ZNRF1: variants seen among roughly 807,000 people sequenced by gnomAD.
ZNRF1 encodes zinc and ring finger 1, also known as E3 ubiquitin-protein ligase ZNRF1.
A neutral mutation model predicts 18.4 loss-of-function variants in ZNRF1; 3 were observed. The observed-to-expected ratio is 0.16, with a 90% CI of 0.07 to 0.42. The LOEUF (loss-of-function observed/expected upper bound fraction) is 0.42, where lower values mean the gene tolerates loss of function less well. ZNRF1 is among the 10% of genes least tolerant of loss of function. The pLI, the probability that ZNRF1 is intolerant of heterozygous loss-of-function variation, is 0.99. For synonymous variants in ZNRF1, 157 were observed against 144.2 expected (o/e 1.09, Z -0.64); for missense variants, 310 against 329.8 (o/e 0.94, Z 0.47).
chr16:75,056,625 CT>C (rs111259659), intron 1 of ZNRF1, among the ~76,000 whole-genome samples: 111 of 144,532 alleles, frequency 7.7e-4, no homozygotes, highest in South Asian at 8.8e-4. Context: ...ATGGAAAAAC[CT>C]TTTTTTTTTT....
chr16:75,025,359 C>T (rs1441302462), intron 1 of ZNRF1, among the ~76,000 whole-genome samples: 3 of 152,152 alleles, frequency 2.0e-5, no homozygotes, highest in African/African-American at 4.8e-5. Flanking sequence ...TGAGCCACCA[C>T]GCCTGGCCTA....
rs553459159 is a variant in ZNRF1, at chr16:75,046,441, G to A, written c.424+46346G>A. Among the ~76,000 whole-genome samples, 203 of 150,708 alleles carry A rather than the reference G, an allele frequency of 1.3e-3. 1 individual carries two copies. The highest frequency in any genetic ancestry group is 4.8e-3 in the African/African-American group (196 of 40,964). Reference sequence around the variant, plus strand: ...TAAGTTTTGTATTTTTAGTGGAGACGGGGTTTCACCATGTTGCCCAGGTTG... The same window carrying A: ...TAAGTTTTGTATTTTTAGTGGAGACAGGGTTTCACCATGTTGCCCAGGTTG... On this transcript the variant is annotated intron_variant, in intron 1 of 4. Coordinates refer to ENST00000335325, the MANE Select transcript of ZNRF1 (RefSeq NM_032268.5).
chr16:75,012,685 C>T (rs146630393), intron 1 of ZNRF1, among the ~76,000 whole-genome samples: 1 of 152,252 alleles, frequency 6.6e-6, no homozygotes, highest in African/African-American at 2.4e-5. Flanking sequence ...AACTTTTCTG[C>T]CAACCTAGCG....
At chr16:75,056,383 T>C (rs1457532960) in intron 1 of ZNRF1, among the ~76,000 whole-genome samples, 1 of 152,192 alleles carries the variant, frequency 6.6e-6, no homozygotes, top group African/African-American at 2.4e-5. Context: ...TGCTCATAAG[T>C]TCTAGTGGTT....
intron 1 of ZNRF1, among the ~76,000 whole-genome samples, chr16:75,093,214 CT>C (rs2040272158): frequency 6.6e-6 from 1 of 152,052 alleles, no homozygotes; most frequent in African/African-American, 2.4e-5. Context: ...GTGAAACCCC[CT>C]CTCTACTAAA....
chr16:75,011,195 T>C (rs1038610131), intron 1 of ZNRF1, among the ~76,000 whole-genome samples: 6 of 152,216 alleles, frequency 3.9e-5, no homozygotes, highest in Middle Eastern at 3.2e-3. Flanking sequence ...AAGATTCTTT[T>C]ATCCTGCTGC....
intron 1 of ZNRF1, among the ~76,000 whole-genome samples, chr16:75,048,408 G>T (rs1000143628): frequency 1.3e-5 from 2 of 152,104 alleles, no homozygotes; most frequent in African/African-American, 2.4e-5. Flanking sequence ...TTTGGGGAGG[G>T]ACACTATTCA....
chr16:75,073,042 A>G (rs931792955), intron 1 of ZNRF1, among the ~76,000 whole-genome samples: 13 of 151,900 alleles, frequency 8.6e-5, no homozygotes, highest in Admixed American at 6.6e-4. Context: ...GTAATCCCAT[A>G]CTTTGGGAGG....
chr16:74,999,534 G>A lies in ZNRF1; in HGVS notation c.-138G>A, dbSNP rs1394910760. The A allele has an allele frequency of 1.6e-6, 1 of 625,920 alleles. No homozygotes were observed. The highest frequency in any genetic ancestry group is 2.3e-6 in the Non-Finnish European group (1 of 430,300). The allele number at this position is 625,920 out of a possible 1,614,324, so 38.8% of individuals were successfully genotyped here. On this transcript the variant is annotated 5_prime_UTR_variant, in exon 1 of 5. Transcript: ENST00000335325. ...GCGGGTTTTTTCCTTTTTTCCTTTTGCTTTTTTTCCTTTTCTCCCTCCGGG... is the reference window on the plus strand; with the variant it reads ...GCGGGTTTTTTCCTTTTTTCCTTTTACTTTTTTTCCTTTTCTCCCTCCGGG...
intron 1 of ZNRF1, among the ~76,000 whole-genome samples, chr16:75,022,077 A>G (rs2035157905): frequency 6.6e-6 from 1 of 152,090 alleles, no homozygotes; most frequent in Admixed American, 6.6e-5. Flanking sequence ...CCGTCCATCC[A>G]TCCGTCTCGC....
intron 1 of ZNRF1, among the ~76,000 whole-genome samples, chr16:75,020,556 T>C (rs113757255): frequency 6.6e-6 from 1 of 152,024 alleles, no homozygotes; most frequent in African/African-American, 2.4e-5. Context: ...TTTTCTTTTT[T>C]TTTGAGATGG....
chr16:74,999,620 T>C lies in ZNRF1; in HGVS notation c.-52T>C, dbSNP rs896981605. On this transcript the variant is annotated 5_prime_UTR_variant, in exon 1 of 5. Transcript: ENST00000335325. ...CAGCCCTCCCCCTGCTGCTGAGAAG[T>C]GGGGGAGGGTCTCGGCCTCCAGGTT... 1.6e-6 allele frequency: 2 copies of C among 1,250,554 alleles called. No homozygotes were observed. The highest frequency in any genetic ancestry group is 2.0e-6 in the Non-Finnish European group (2 of 980,880). 77.5% of individuals were successfully genotyped at this position (1,250,554 alleles called of 1,614,324 possible).
chr16:75,038,246 T>G (rs572538461), intron 1 of ZNRF1, among the ~76,000 whole-genome samples: 3 of 152,186 alleles, frequency 2.0e-5, no homozygotes, highest in Non-Finnish European at 4.4e-5. Flanking sequence ...CTGGGGTGTC[T>G]CATGACATTG....
intron 1 of ZNRF1, among the ~76,000 whole-genome samples, chr16:75,016,954 T>G (rs1454024060): frequency 6.6e-6 from 1 of 152,214 alleles, no homozygotes; most frequent in Non-Finnish European, 1.5e-5. Context: ...CCAGATAGAA[T>G]AAACACAGTG....
intron 1 of ZNRF1, among the ~76,000 whole-genome samples, chr16:75,069,461 T>C (rs1433129504): frequency 2.0e-5 from 3 of 152,228 alleles, no homozygotes; most frequent in Admixed American, 6.5e-5. Flanking sequence ...TTGCCCAGGC[T>C]GGAGTACAGT....
chr16:75,042,484 T>A (rs1203290463), intron 1 of ZNRF1, among the ~76,000 whole-genome samples: 1 of 150,752 alleles, frequency 6.6e-6, no homozygotes, highest in Non-Finnish European at 1.5e-5. Flanking sequence ...TATTTCTAGT[T>A]GTAGCAACAT....
At chr16:75,018,942 G>A (rs1485571833) in intron 1 of ZNRF1, among the ~76,000 whole-genome samples, 1 of 152,102 alleles carries the variant, frequency 6.6e-6, no homozygotes, top group Non-Finnish European at 1.5e-5. Context: ...GAGGCAGGCG[G>A]ATCATTTGAG....
intron 2 of ZNRF1, among the ~76,000 whole-genome samples, chr16:75,098,638 C>T (rs965113137): frequency 2.6e-5 from 4 of 152,220 alleles, no homozygotes; most frequent in African/African-American, 9.7e-5. Flanking sequence ...CCAGGCACTC[C>T]ACCGCACCTA....
intron 1 of ZNRF1, among the ~76,000 whole-genome samples, chr16:75,061,079 G>T (rs78069850): frequency 0.024 from 3,637 of 152,196 alleles, 138 homozygotes; most frequent in African/African-American, 0.082. Flanking sequence ...TTTGATACAG[G>T]CATTCAGTGT....
Sources: allele counts gnomAD v4.1 joint callset (sites outside exome capture counted in the v4.1 genomes callset), GRCh38; gene constraint gnomAD v4.1.1; transcripts MANE v1.5; gene names NCBI Gene and HGNC (gene_info 2026-07-23, HGNC 2026-07-21).